The following DSCAM variants were observed in gnomAD, a reference collection of about 807,000 sequenced individuals.
The protein encoded by DSCAM is cell adhesion molecule DSCAM.
DSCAM carries 47 observed loss-of-function variants against 217.7 expected under a neutral mutation model. That is an observed-to-expected ratio of 0.22 (90% CI 0.17 to 0.28). The LOEUF (loss-of-function observed/expected upper bound fraction) is 0.28, where lower values mean the gene tolerates loss of function less well. DSCAM is among the 10% of genes least tolerant of loss of function. DSCAM has a pLI of 1.00. For missense variants in DSCAM, 2,080 were observed against 2,618.3 expected (o/e 0.79, Z 4.49); for synonymous variants, 1,056 against 1,015.3 (o/e 1.04, Z -0.76).
chr21:40,833,462 T>C (rs1030380196), intron 1 of DSCAM, among the ~76,000 whole-genome samples: 1 of 152,174 alleles, frequency 6.6e-6, no homozygotes, highest in Non-Finnish European at 1.5e-5. Flanking sequence ...AGAAAATGCA[T>C]TCAGAGCGGT....
chr21:40,075,672 A>G (rs378439), intron 26 of DSCAM, among the ~76,000 whole-genome samples: 52,687 of 152,112 alleles, frequency 0.35, 9,824 homozygotes, highest in South Asian at 0.62. Context: ...TGGCATAAAG[A>G]AACTCAAATC....
At chr21:40,217,855 G>A (rs1381394426) in intron 11 of DSCAM, among the ~76,000 whole-genome samples, 2 of 151,818 alleles carry the variant, frequency 1.3e-5, no homozygotes, top group African/African-American at 2.4e-5. Flanking sequence ...CTTTTTAATG[G>A]GGTGGTTTGT....
rs537745864 is a variant in DSCAM at position 40,567,685 on chromosome 21, C to A, written c.508+125125G>T. On this transcript the variant is annotated intron_variant, in intron 3 of 32. Transcript: ENST00000400454. ...ACTCATCAGGCCCAACATCTGTCTCCCCTCACGGGAATGCCAGCTCCACAA... is the reference window on the plus strand; with the variant it reads ...ACTCATCAGGCCCAACATCTGTCTCACCTCACGGGAATGCCAGCTCCACAA... Among the ~76,000 whole-genome samples the A allele has an allele frequency of 4.6e-5, 7 of 152,326 alleles. 1 individual carries two copies. The highest frequency in any genetic ancestry group is 1.4e-4 in the African/African-American group (6 of 41,582).
At chr21:40,172,798 G>GA (rs1183870663) in intron 15 of DSCAM, among the ~76,000 whole-genome samples, 2 of 152,078 alleles carry the variant, frequency 1.3e-5, no homozygotes, top group East Asian at 3.9e-4. Context: ...TACAAAAGCA[G>GA]AAAAAAATAT....
At chr21:40,584,204 T>A (rs1378588154) in intron 3 of DSCAM, among the ~76,000 whole-genome samples, 2 of 152,202 alleles carry the variant, frequency 1.3e-5, no homozygotes, top group Non-Finnish European at 2.9e-5. Flanking sequence ...CGCTCCTTGG[T>A]GTTACACAGG....
chr21:40,724,172 C>T (rs1442663853), intron 1 of DSCAM, among the ~76,000 whole-genome samples: 1 of 152,146 alleles, frequency 6.6e-6, no homozygotes, highest in South Asian at 2.1e-4. Context: ...TTACTACGTT[C>T]CGGCATTTAC....
intron 20 of DSCAM, among the ~76,000 whole-genome samples, chr21:40,118,821 C>T (rs17755603): frequency 0.12 from 18,263 of 152,174 alleles, 1,218 homozygotes; most frequent in Non-Finnish European, 0.16. Context: ...ATTGCTGTGT[C>T]CTCTGTCACA....
intron 3 of DSCAM, among the ~76,000 whole-genome samples, chr21:40,605,115 G>A (rs1302521611): frequency 2.6e-5 from 4 of 152,174 alleles, no homozygotes; most frequent in Non-Finnish European, 5.9e-5. Flanking sequence ...GAGCTTCCTG[G>A]AGGAAAAACT....
chr21:40,826,292 A>G (rs895197492), intron 1 of DSCAM, among the ~76,000 whole-genome samples: 5 of 152,320 alleles, frequency 3.3e-5, no homozygotes, highest in African/African-American at 1.2e-4. Context: ...ACACGCGGCC[A>G]GTGCAGTGCT....
intron 10 of DSCAM, among the ~76,000 whole-genome samples, chr21:40,279,044 T>A (rs1321032216): frequency 6.6e-6 from 1 of 152,210 alleles, no homozygotes; most frequent in Non-Finnish European, 1.5e-5. Context: ...ATTACATATC[T>A]AAAATATGAA....
intron 11 of DSCAM, among the ~76,000 whole-genome samples, chr21:40,258,994 C>A (rs758109020): frequency 6.6e-6 from 1 of 152,204 alleles, no homozygotes; most frequent in African/African-American, 2.4e-5. Context: ...AAAAATGGCA[C>A]TGCTGAGGAG....
chr21:40,471,786 CTTAA>C (rs1431056276), intron 3 of DSCAM, among the ~76,000 whole-genome samples: 2 of 152,152 alleles, frequency 1.3e-5, no homozygotes, highest in African/African-American at 4.8e-5. Context: ...TTTTACTTTA[CTTAA>C]TTTTTATTTT....
At chr21:40,759,578 T>A in intron 1 of DSCAM, among the ~76,000 whole-genome samples, 1 of 152,296 alleles carries the variant, frequency 6.6e-6, no homozygotes, top group Admixed American at 6.5e-5. Context: ...AGGCTAATTA[T>A]GCACATCAAT....
chr21:40,827,789 C>T (rs922085112), intron 1 of DSCAM, among the ~76,000 whole-genome samples: 3 of 152,138 alleles, frequency 2.0e-5, no homozygotes, highest in Non-Finnish European at 4.4e-5. Flanking sequence ...CTTTGTGTAT[C>T]GTTCAACTCA....
chr21:40,279,443 C>T (rs114011325), intron 10 of DSCAM, among the ~76,000 whole-genome samples: 4,394 of 152,270 alleles, frequency 0.029, 201 homozygotes, highest in African/African-American at 0.1. Flanking sequence ...TCATGCCAGT[C>T]ACAATGGTGA....
intron 11 of DSCAM, among the ~76,000 whole-genome samples, chr21:40,253,670 T>G (rs1402576296): frequency 6.6e-6 from 1 of 152,178 alleles, no homozygotes. Context: ...GCCTCCGTAA[T>G]AAAACTTAGA....
chr21:40,470,910 T>A (rs2075882995), intron 3 of DSCAM, among the ~76,000 whole-genome samples: 1 of 152,252 alleles, frequency 6.6e-6, no homozygotes, highest in South Asian at 2.1e-4. Context: ...ATTGATTCAG[T>A]AGTCTTAGAA....
intron 3 of DSCAM, among the ~76,000 whole-genome samples, chr21:40,416,168 C>T (rs1226127286): frequency 6.6e-6 from 1 of 152,164 alleles, no homozygotes; most frequent in Non-Finnish European, 1.5e-5. Flanking sequence ...TAACGCTCTG[C>T]TTCATACCTG....
chr21:40,037,362 T>C (rs994986645), intron 32 of DSCAM, among the ~76,000 whole-genome samples: 1 of 149,362 alleles, frequency 6.7e-6, no homozygotes, highest in Non-Finnish European at 1.5e-5. Context: ...AGCATTCTTA[T>C]ACACCAATAA....
Sources: gnomAD v4.1 joint callset for allele counts (sites outside exome capture counted in the v4.1 genomes callset) on GRCh38, gnomAD v4.1.1 for gene constraint, MANE v1.5 for transcripts, NCBI Gene and HGNC (gene_info 2026-07-23, HGNC 2026-07-21) for gene names.